The following GRIN2A variants were observed in gnomAD, a reference collection of about 807,000 sequenced individuals.
GRIN2A encodes glutamate receptor ionotropic, NMDA 2A.
Under a neutral mutation model 113.4 loss-of-function variants are expected in GRIN2A, and 22 were observed. The ratio of observed to expected loss-of-function variants is 0.19; its 90% CI spans 0.14 to 0.28. GRIN2A has a LOEUF of 0.28. GRIN2A is among the 10% of genes least tolerant of loss of function. The probability of loss-of-function intolerance (pLI) is 1.00; values close to 1 mark genes in which losing one functional copy is unlikely to be tolerated. For missense variants in GRIN2A, 1,502 were observed against 1,887.0 expected, an observed-to-expected ratio of 0.80 and a Z score of 3.78; for synonymous variants, 827 against 738.4, an observed-to-expected ratio of 1.12 and a Z score of -1.94.
At chr16:9,830,695 C>A (rs764233059) in intron 8 of GRIN2A, among the ~76,000 whole-genome samples, 11 of 152,130 alleles carry the variant, frequency 7.2e-5, no homozygotes, top group Non-Finnish European at 1.5e-4. Context: ...GGGCAGGAAG[C>A]CTAGGAAAAG....
chr16:9,991,180 G>T (rs1397292003), intron 2 of GRIN2A, among the ~76,000 whole-genome samples: 1 of 152,142 alleles, frequency 6.6e-6, no homozygotes, highest in South Asian at 2.1e-4. Flanking sequence ...ACTACACTCA[G>T]CACATTATAG....
chr16:9,960,526 G>C (rs2045416895), intron 2 of GRIN2A, among the ~76,000 whole-genome samples: 1 of 152,340 alleles, frequency 6.6e-6, no homozygotes, highest in East Asian at 1.9e-4. Flanking sequence ...AGCCTAGGTA[G>C]GTAGGGAGAG....
intron 2 of GRIN2A, among the ~76,000 whole-genome samples, chr16:10,089,328 G>A (rs1363301163): frequency 1.3e-5 from 2 of 152,192 alleles, no homozygotes; most frequent in Non-Finnish European, 2.9e-5. Flanking sequence ...ACAGATGTAT[G>A]CATATGTCTA....
At chr16:10,100,287 GA>G (rs1172600614) in intron 2 of GRIN2A, among the ~76,000 whole-genome samples, 1 of 152,204 alleles carries the variant, frequency 6.6e-6, no homozygotes, top group Non-Finnish European at 1.5e-5. Flanking sequence ...TTTGCATTTT[GA>G]AAGATCCCAC....
chr16:10,002,867 T>A (rs779336279), intron 2 of GRIN2A, among the ~76,000 whole-genome samples: 1 of 152,224 alleles, frequency 6.6e-6, no homozygotes, highest in Non-Finnish European at 1.5e-5. Context: ...AGTCACCCAA[T>A]GGACTTTGGA....
At chr16:9,940,065 T>A (rs572306956) in intron 2 of GRIN2A, among the ~76,000 whole-genome samples, 169 of 150,706 alleles carry the variant, frequency 1.1e-3, no homozygotes, top group African/African-American at 3.9e-3. Flanking sequence ...AGAGAGAGTG[T>A]GTGTGTGTGT....
At chr16:10,143,408 T>A (rs1421010781) in intron 2 of GRIN2A, among the ~76,000 whole-genome samples, 1 of 152,146 alleles carries the variant, frequency 6.6e-6, no homozygotes, top group Non-Finnish European at 1.5e-5. Flanking sequence ...AAATAGCATA[T>A]CTGAACCATA....
At chr16:10,112,908 T>C (rs1033199292) in intron 2 of GRIN2A, 2 of 444,842 alleles carry the variant, frequency 4.5e-6, no homozygotes, top group Admixed American at 2.8e-5. Flanking sequence ...GATGAGGTGG[T>C]GGAGGGAGCA....
chr16:9,815,403 T>TAACA (rs1376941441), intron 10 of GRIN2A, among the ~76,000 whole-genome samples: 4 of 105,846 alleles, frequency 3.8e-5, no homozygotes, highest in Admixed American at 1.0e-4. Context: ...TCTTAAAACC[T>TAACA]AACAACAACC....
chr16:9,787,406 C>G (rs1032659945), intron 11 of GRIN2A, among the ~76,000 whole-genome samples: 4 of 152,212 alleles, frequency 2.6e-5, no homozygotes, highest in African/African-American at 9.6e-5. Flanking sequence ...GTGCCCCACC[C>G]TCTACCCCAC....
At chr16:10,147,239 A>G (rs936313177) in intron 2 of GRIN2A, among the ~76,000 whole-genome samples, 1 of 152,022 alleles carries the variant, frequency 6.6e-6, no homozygotes, top group African/African-American at 2.4e-5. Flanking sequence ...TCCCCCCAGC[A>G]AATAATTGTC....
intron 2 of GRIN2A, among the ~76,000 whole-genome samples, chr16:10,000,042 CCT>C (rs1256045614): frequency 6.6e-6 from 1 of 152,078 alleles, no homozygotes; most frequent in Non-Finnish European, 1.5e-5. Context: ...CATTATTCCA[CCT>C]CTGTTTCCTC....
At chr16:9,853,696 T>C (rs1182920676) in intron 4 of GRIN2A, among the ~76,000 whole-genome samples, 2 of 152,194 alleles carry the variant, frequency 1.3e-5, no homozygotes, top group Non-Finnish European at 2.9e-5. Context: ...ATAACCTGCC[T>C]GAAGATGGAA....
At chr16:10,076,332 T>C (rs924210587) in intron 2 of GRIN2A, among the ~76,000 whole-genome samples, 9 of 152,146 alleles carry the variant, frequency 5.9e-5, no homozygotes, top group Non-Finnish European at 1.2e-4. Context: ...CAGGAGAATG[T>C]TGACGAGGCA....
intron 2 of GRIN2A, chr16:10,112,289 G>C (rs569823844): frequency 1.7e-5 from 11 of 645,558 alleles, no homozygotes; most frequent in Admixed American, 9.0e-5. Context: ...GGAGGAATGT[G>C]GTGACAGCAG....
intron 3 of GRIN2A, among the ~76,000 whole-genome samples, chr16:9,900,902 G>A (rs528826159): frequency 1.2e-4 from 19 of 152,138 alleles, no homozygotes; most frequent in Non-Finnish European, 1.8e-4. Flanking sequence ...GTAACGTGGC[G>A]TGCATTTCCA....
At position 9,763,266 on chromosome 16, in the gene GRIN2A, C is replaced by G; in HGVS notation, c.4278G>C (p.Glu1426Asp). 1 of 1,614,126 alleles carries G rather than the reference C, an allele frequency of 6.2e-7. No individual in the cohort carries two copies. The highest frequency in any genetic ancestry group is 1.1e-5 in the South Asian group (1 of 91,074). ...TATTTGCAGCATAAGGCATAACATG[C>G]TCCGAAATATACACATCATTGTGGC... ...SRGHNDVYIS[E>D]HVMPYAANKN... Residue 1426 changes from glutamate to aspartate, a missense_variant, in exon 13 of 13, where the codon GAG (glutamate) becomes GAC (aspartate). Glu to Asp is a conservative substitution (Grantham distance 45, BLOSUM62 2). Transcript: ENST00000330684.
intron 2 of GRIN2A, among the ~76,000 whole-genome samples, chr16:9,978,149 C>T (rs1293834929): frequency 2.6e-5 from 4 of 152,146 alleles, no homozygotes; most frequent in Admixed American, 2.6e-4. Context: ...AACGAAAGCA[C>T]CAACTGATAA....
chr16:10,034,729 G>A (rs2046994178), intron 2 of GRIN2A, among the ~76,000 whole-genome samples: 1 of 151,968 alleles, frequency 6.6e-6, no homozygotes, highest in Non-Finnish European at 1.5e-5. Flanking sequence ...CTTTCTTAAA[G>A]ATTCCCCAAA....
Sources: allele counts gnomAD v4.1 joint callset (sites outside exome capture counted in the v4.1 genomes callset), GRCh38; gene constraint gnomAD v4.1.1; transcripts MANE v1.5; gene names NCBI Gene and HGNC (gene_info 2026-07-23, HGNC 2026-07-21).